The following MTOR variants were observed in gnomAD, a reference collection of about 807,000 sequenced individuals.
The protein encoded by MTOR is serine/threonine-protein kinase mTOR.
MTOR carries 70 observed loss-of-function variants against 319.8 expected under a neutral mutation model. The observed-to-expected ratio is 0.22, with a 90% confidence interval of 0.18 to 0.27. The LOEUF (loss-of-function observed/expected upper bound fraction) is 0.27. Among genes scored for constraint, MTOR ranks in the 10% least tolerant of loss-of-function variants. MTOR has a pLI of 1.00. For missense variants in MTOR, 1,890 were observed against 3,274.4 expected, an observed-to-expected ratio of 0.58 and a Z score of 10.32; for synonymous variants, 1,183 against 1,211.4, an observed-to-expected ratio of 0.98 and a Z score of 0.49.
At chr1:11,194,365 ATGTT>A in intron 28 of MTOR, 3 of 1,122,700 alleles carry the variant, frequency 2.7e-6, no homozygotes, top group Non-Finnish European at 2.7e-6. Context: ...CTATAAAAAG[ATGTT>A]TGGCTATGGG....
intron 21 of MTOR, 59 bp downstream of exon 21, chr1:11,213,340 C>T (rs1373435933): frequency 6.5e-7 from 1 of 1,550,366 alleles, no homozygotes; most frequent in Non-Finnish European, 8.7e-7. Context: ...TTTAGCTGAT[C>T]ACCCAGGGAC....
At chr1:11,167,185 G>T (rs567677263) in intron 29 of MTOR, among the ~76,000 whole-genome samples, 2 of 151,914 alleles carry the variant, frequency 1.3e-5, no homozygotes, top group East Asian at 3.9e-4. Context: ...CATGGCACAT[G>T]TGTACATATG....
intron 28 of MTOR, chr1:11,192,514 G>A: frequency 1.5e-6 from 1 of 657,706 alleles, no homozygotes; most frequent in Non-Finnish European, 2.6e-6. Context: ...CCAGCACTAT[G>A]GGAGGCCGAG....
chr1:11,116,110 C>T (rs1430247967), intron 50 of MTOR, among the ~76,000 whole-genome samples: 2 of 152,170 alleles, frequency 1.3e-5, no homozygotes, highest in Non-Finnish European at 2.9e-5. Context: ...CATCAGAGAA[C>T]CAGTCTTTTT....
intron 56 of MTOR, 97 bp from the exon 57 acceptor site, chr1:11,108,383 G>A (rs770871808): frequency 9.3e-6 from 9 of 972,060 alleles, no homozygotes; most frequent in Admixed American, 3.8e-5. Context: ...ACAGCTTATC[G>A]TCAGACATGA....
At chr1:11,241,501 G>A (rs1368699145) in intron 10 of MTOR, 52 bp downstream of exon 10, 1 of 1,561,020 alleles carries the variant, frequency 6.4e-7, no homozygotes, top group African/African-American at 1.4e-5. Flanking sequence ...TCCCAACACT[G>A]GGGGCCAAGC....
intron 32 of MTOR, chr1:11,145,262 C>A: frequency 1.7e-6 from 1 of 571,724 alleles, no homozygotes; most frequent in Non-Finnish European, 3.1e-6. Flanking sequence ...GCATCCAAAA[C>A]TTTAACATCT....
chr1:11,182,873 A>G (rs1645203032), intron 28 of MTOR, among the ~76,000 whole-genome samples: 2 of 152,230 alleles, frequency 1.3e-5, no homozygotes, highest in South Asian at 4.1e-4. Flanking sequence ...ACTGCAGATG[A>G]ACACTTGGAT....
At chr1:11,183,819 A>G (rs993571089) in intron 28 of MTOR, among the ~76,000 whole-genome samples, 3 of 149,246 alleles carry the variant, frequency 2.0e-5, no homozygotes, top group African/African-American at 7.4e-5. Flanking sequence ...TCACTGAGGG[A>G]AAAAAAAAAA....
chr1:11,133,028 G>C lies in MTOR; in HGVS notation c.5364+52C>G. On this transcript the variant is annotated intron_variant, in intron 38 of 57. Coordinates refer to ENST00000361445, the MANE Select transcript of MTOR (RefSeq NM_004958.4). This position sits in a 1 kb window ranked among gnomAD's most constrained non-coding sequence, Gnocchi z 4.0. ...AGCTGTAACCACGAGCACACAGGAG[G>C]ACACGAGCCAGCCAGGGTGCTGGGT... 2 of 1,488,154 alleles carry C rather than the reference G, an allele frequency of 1.3e-6. No homozygotes were observed. The highest frequency in any genetic ancestry group is 1.9e-6 in the Non-Finnish European group (2 of 1,067,402). 92.2% of individuals were successfully genotyped at this position (1,488,154 alleles called of 1,614,324 possible).
intron 19 of MTOR, among the ~76,000 whole-genome samples, chr1:11,226,724 A>T (rs941305017): frequency 3.3e-5 from 5 of 152,042 alleles, no homozygotes; most frequent in Non-Finnish European, 5.9e-5. Context: ...CAGTGAGCCC[A>T]TATCACCTAT....
chr1:11,246,207 C>T lies in MTOR; in HGVS notation c.1225+1418G>A, dbSNP rs148451774. 1.9e-3 allele frequency among the ~76,000 whole-genome samples: 282 copies of T among 152,276 alleles called. 3 individuals carry two copies. The highest frequency in any genetic ancestry group is 6.5e-3 in the African/African-American group (272 of 41,558). ...AAGAGAGCAACAACAATAACAAACACCCACATCAAAAGAAGAAATCTAGGG... is the reference window on the plus strand; with the variant it reads ...AAGAGAGCAACAACAATAACAAACATCCACATCAAAAGAAGAAATCTAGGG... On this transcript the variant is annotated intron_variant, in intron 8 of 57. Coordinates refer to ENST00000361445, the MANE Select transcript of MTOR (RefSeq NM_004958.4).
At position 11,257,566 on chromosome 1, in the gene MTOR, GAAAAAAA is replaced by G. The variant is rs70977557; in HGVS notation, c.272-408_272-402del. ...CGACAGAGTGAGACTCTGTCTCAGA[GAAAAAAA>G]AAAAAAAAAAAAAAAAAATCTGGCG... is the stretch of plus-strand genomic sequence containing the variant. On this transcript the variant is annotated intron_variant, in intron 3 of 57. Coordinates refer to ENST00000361445, the MANE Select transcript of MTOR (RefSeq NM_004958.4). Among the ~76,000 whole-genome samples, 38 of 64,844 alleles carry G rather than the reference GAAAAAAA, an allele frequency of 5.9e-4. No homozygotes were observed. In the East Asian group the frequency reaches 0.016, roughly 27 times the overall value. The allele number at this position is 64,844 out of a possible 152,430, so 42.5% of individuals were successfully genotyped here.
chr1:11,247,824 C>A lies in MTOR; in HGVS notation c.1111G>T (p.Asp371Tyr). The A allele has an allele frequency of 6.2e-7, 1 of 1,612,706 alleles. No homozygotes were observed. The highest frequency in any genetic ancestry group is 8.5e-7 in the Non-Finnish European group (1 of 1,178,916). Reference protein sequence around the residue: ...CCRDLMEEKFDQVCQWVLKCR... With the variant: ...CCRDLMEEKFYQVCQWVLKCR... ...AAGGGCCTCTCACCACTTACCTGAT[C>A]AAATTTCTCCTCCATCAAGTCTCTG... The change falls in exon 7 of 58, where the codon GAT becomes TAT. Residue 371 changes from aspartate (D) to tyrosine (Y), a missense_variant. Transcript: ENST00000361445.
Position 11,168,211 on chromosome 1 carries a change from C to CTT in MTOR, c.4254-696_4254-695dup, listed in dbSNP as rs561757972. On this transcript the variant is annotated intron_variant, in intron 28 of 57. Coordinates refer to ENST00000361445, the MANE Select transcript of MTOR (RefSeq NM_004958.4). ...CACAATCATATGAGACTCCTCTGAA[C>CTT]TTTTTTTTTTTTTTTTGAGACCGGG... 1.9e-3 allele frequency among the ~76,000 whole-genome samples: 268 copies of CTT among 142,366 alleles called. 3 individuals are homozygous for CTT. Among genetic ancestry groups the CTT allele is most frequent in the African/African-American group, 6.4e-3 (250 of 38,952 alleles). 93.4% of individuals were successfully genotyped at this position (142,366 alleles called of 152,430 possible). A position where few individuals can be genotyped will look rare whatever the true frequency, so the allele number is the denominator to read the frequency against.
At chr1:11,255,382 CAAAAAAAAAAAAAA>C (rs56328160) in intron 5 of MTOR, among the ~76,000 whole-genome samples, 10 of 98,224 alleles carry the variant, frequency 1.0e-4, no homozygotes, top group African/African-American at 3.8e-4. Context: ...ACTCCATCTC[CAAAAAAAAAAAAAA>C]AAAAAAAAAA....
chr1:11,137,367 T>A (rs1262910015), intron 36 of MTOR, among the ~76,000 whole-genome samples: 1 of 152,082 alleles, frequency 6.6e-6, no homozygotes, highest in African/African-American at 2.4e-5. Flanking sequence ...AATAAGGAGC[T>A]GAACAAAATA....
chr1:11,119,948 G>C (rs1642419525), intron 49 of MTOR, among the ~76,000 whole-genome samples: 1 of 151,184 alleles, frequency 6.6e-6, no homozygotes, highest in Non-Finnish European at 1.5e-5. Context: ...AAATGGTGTA[G>C]GCCGGGCGTG....
chr1:11,193,974 G>A (rs1380642722), intron 28 of MTOR, among the ~76,000 whole-genome samples: 1 of 152,194 alleles, frequency 6.6e-6, no homozygotes, highest in Non-Finnish European at 1.5e-5. Flanking sequence ...CGACAAAAGT[G>A]GGGCTGCAGG....
Sources: gnomAD v4.1 joint callset for allele counts (sites outside exome capture counted in the v4.1 genomes callset) on GRCh38, gnomAD v4.1.1 for gene constraint, Gnocchi (gnomAD v3.1) non-coding constraint, MANE v1.5 for transcripts, NCBI Gene and HGNC (gene_info 2026-07-23, HGNC 2026-07-21) for gene names.